The following KAT2B variants were observed in gnomAD, a reference collection of about 807,000 sequenced individuals.
KAT2B encodes the protein histone acetyltransferase KAT2B.
A neutral mutation model predicts 105.9 loss-of-function variants in KAT2B; 36 were observed. The ratio of observed to expected loss-of-function variants is 0.34; its 90% confidence interval spans 0.26 to 0.45. The LOEUF (loss-of-function observed/expected upper bound fraction) is 0.45. KAT2B is among the 20% of genes least tolerant of loss of function. The probability of loss-of-function intolerance (pLI) is 1.00; values close to 1 mark genes in which losing one functional copy is unlikely to be tolerated. For missense variants in KAT2B, 820 were observed against 1,021.6 expected (o/e 0.80, Z 2.69); for synonymous variants, 397 against 377.9 (o/e 1.05, Z -0.59).
chr3:20,148,201 A>C, intron 15 of KAT2B, 42 bp from the exon 16 acceptor site: 1 of 1,558,608 alleles, frequency 6.4e-7, no homozygotes, highest in South Asian at 1.1e-5. Context: ...CAATAGGGTA[A>C]AACTCTAATC....
intron 1 of KAT2B, among the ~76,000 whole-genome samples, chr3:20,062,200 T>TATATAAAAATATA (rs1491542109): frequency 6.2e-5 from 3 of 48,594 alleles, no homozygotes; most frequent in Non-Finnish European, 1.2e-4. Flanking sequence ...AATATATATA[T>TATATAAAAATATA]TTTATATAAA....
intron 4 of KAT2B, 189 bp from the exon 5 acceptor site, chr3:20,101,097 AT>A: frequency 1.8e-6 from 1 of 559,096 alleles, no homozygotes. Context: ...GTCACTTTTC[AT>A]CCACCGTGAT....
chr3:20,107,868 G>A (rs1441902746), intron 5 of KAT2B, among the ~76,000 whole-genome samples: 1 of 141,514 alleles, frequency 7.1e-6, no homozygotes, highest in Non-Finnish European at 1.5e-5. Context: ...GAGTGCAGTG[G>A]TATGATCTGA....
intron 6 of KAT2B, 138 bp downstream of exon 6, chr3:20,111,925 T>G: frequency 1.5e-6 from 1 of 688,892 alleles, no homozygotes; most frequent in Non-Finnish European, 2.4e-6. Flanking sequence ...AGACCCTCAG[T>G]TCCCTTTGTG....
chr3:20,047,253 C>T (rs867406503), intron 1 of KAT2B, among the ~76,000 whole-genome samples: 2 of 151,876 alleles, frequency 1.3e-5, no homozygotes, highest in South Asian at 2.1e-4. Context: ...AGAGATGTTT[C>T]GCCAACCTGG....
chr3:20,121,776 GTGTGTGTA>G (rs1699315198), intron 8 of KAT2B, among the ~76,000 whole-genome samples: 1 of 142,740 alleles, frequency 7.0e-6, no homozygotes, highest in Non-Finnish European at 1.5e-5. Flanking sequence ...GTGTGTGTGT[GTGTGTGTA>G]TAGCCAAGCC....
chr3:20,062,053 A>AATATATATTATATATAAAAC lies in KAT2B; in HGVS notation c.304-10274_304-10255dup, dbSNP rs1559514006. The stretch of plus-strand genomic sequence containing the variant: ...AATATATATTATATATAAAACATAT[A>AATATATATTATATATAAAAC]ATATATATTATATATAAAACATATA... On this transcript the variant is annotated intron_variant, in intron 1 of 17. Coordinates refer to ENST00000263754, the MANE Select transcript of KAT2B (RefSeq NM_003884.5). Among the ~76,000 whole-genome samples, 41 of 71,136 alleles carry AATATATATTATATATAAAAC rather than the reference A, an allele frequency of 5.8e-4. 1 individual carries two copies. The highest frequency in any genetic ancestry group is 8.9e-4 in the Non-Finnish European group (30 of 33,618). 46.7% of individuals were successfully genotyped at this position (71,136 alleles called of 152,430 possible).
At chr3:20,121,729 C>A (rs1030734110) in intron 8 of KAT2B, among the ~76,000 whole-genome samples, 1 of 120,290 alleles carries the variant, frequency 8.3e-6, no homozygotes, top group African/African-American at 3.4e-5. Context: ...TACACATATG[C>A]ATATGTGTGT....
At chr3:20,115,367 T>C (rs571360929) in intron 7 of KAT2B, among the ~76,000 whole-genome samples, 16 of 152,308 alleles carry the variant, frequency 1.1e-4, no homozygotes, top group African/African-American at 3.8e-4. Flanking sequence ...GGAAGACAGA[T>C]GCCTTCTGGA....
intron 2 of KAT2B, among the ~76,000 whole-genome samples, chr3:20,090,519 C>G (rs1698697880): frequency 6.6e-6 from 1 of 152,204 alleles, no homozygotes; most frequent in African/African-American, 2.4e-5. Flanking sequence ...GCTGAACCAT[C>G]CTTGCATCCC....
intron 12 of KAT2B, among the ~76,000 whole-genome samples, chr3:20,137,964 A>G (rs965851382): frequency 2.6e-5 from 4 of 152,200 alleles, no homozygotes; most frequent in Non-Finnish European, 4.4e-5. Context: ...ACATAGTGAG[A>G]ACTTGTCTCT....
At chr3:20,050,599 A>T (rs1236758629) in intron 1 of KAT2B, among the ~76,000 whole-genome samples, 2 of 152,258 alleles carry the variant, frequency 1.3e-5, no homozygotes, top group Non-Finnish European at 2.9e-5. Flanking sequence ...ATTATTGCAT[A>T]TAGCAGTAGT....
intron 5 of KAT2B, among the ~76,000 whole-genome samples, chr3:20,104,043 G>A (rs2125158533): frequency 6.6e-6 from 1 of 152,330 alleles, no homozygotes; most frequent in South Asian, 2.1e-4. Context: ...CTAAAACTCA[G>A]TCACTGCCAA....
At chr3:20,108,045 G>A (rs1395846135) in intron 5 of KAT2B, among the ~76,000 whole-genome samples, 2 of 151,714 alleles carry the variant, frequency 1.3e-5, no homozygotes, top group African/African-American at 2.4e-5. Context: ...CTTGACCTCC[G>A]GTAATCCACC....
chr3:20,062,740 G>A (rs1419291484), intron 1 of KAT2B, among the ~76,000 whole-genome samples: 3 of 151,826 alleles, frequency 2.0e-5, no homozygotes, highest in Non-Finnish European at 1.5e-5. Flanking sequence ...GGGATTACAG[G>A]CGTGAGTCAC....
At chr3:20,117,766 C>T (rs1404189691) in intron 7 of KAT2B, among the ~76,000 whole-genome samples, 1 of 152,138 alleles carries the variant, frequency 6.6e-6, no homozygotes, top group Non-Finnish European at 1.5e-5. Flanking sequence ...TGTATGTGAC[C>T]AGTGTTATTG....
At chr3:20,059,307 G>A (rs556797555) in intron 1 of KAT2B, among the ~76,000 whole-genome samples, 4 of 151,468 alleles carry the variant, frequency 2.6e-5, no homozygotes, top group Non-Finnish European at 5.9e-5. Flanking sequence ...CCAGCTACTC[G>A]GGAGGCTGAG....
chr3:20,124,389 G>T (rs980995875), intron 9 of KAT2B, among the ~76,000 whole-genome samples: 7 of 152,196 alleles, frequency 4.6e-5, no homozygotes, highest in African/African-American at 1.7e-4. Flanking sequence ...GCAGGGTGAA[G>T]TGGGAGCAGG....
chr3:20,123,176 G>A (rs553520505), intron 9 of KAT2B, among the ~76,000 whole-genome samples: 1 of 152,060 alleles, frequency 6.6e-6, no homozygotes, highest in East Asian at 1.9e-4. Flanking sequence ...TTCTCTCTGC[G>A]CCTCCCCATA....
Sources: allele counts gnomAD v4.1 joint callset (sites outside exome capture counted in the v4.1 genomes callset), GRCh38; gene constraint gnomAD v4.1.1; transcripts MANE v1.5; gene names NCBI Gene and HGNC (gene_info 2026-07-23, HGNC 2026-07-21).